The following STYXL2 variants were observed in gnomAD, a reference collection of about 807,000 sequenced individuals.
STYXL2 encodes the protein serine/threonine/tyrosine-interacting-like protein 2.
STYXL2 carries 44 observed loss-of-function variants against 52.4 expected under a neutral mutation model. That is an observed-to-expected ratio of 0.84 (90% CI 0.66 to 1.08). The LOEUF is 1.08. Among genes scored for constraint, STYXL2 ranks in the 50% least tolerant of loss-of-function variants. The probability of loss-of-function intolerance (pLI) is 0.00; values close to 1 mark genes in which losing one functional copy is unlikely to be tolerated. For synonymous variants in STYXL2, 604 were observed against 586.9 expected (o/e 1.03, Z -0.42); for missense variants, 1,604 against 1,471.7 (o/e 1.09, Z -1.47).
At chr1:167,118,966 A>G (rs766976906) in intron 4 of STYXL2, among the ~76,000 whole-genome samples, 2 of 152,378 alleles carry the variant, frequency 1.3e-5, no homozygotes, top group Non-Finnish European at 2.9e-5. Context: ...GTTTTAAACT[A>G]GAAGTCTCTG....
At position 167,127,390 on chromosome 1, in the gene STYXL2, C is replaced by G. The variant is rs1372658591; in HGVS notation, c.2259C>G (p.Ser753Arg). Residue 753 changes from serine (S) to arginine (R), a missense_variant, in exon 6 of 6, where the codon AGC (serine) becomes AGG (arginine). Coordinates refer to ENST00000361200, the MANE Select transcript of STYXL2 (RefSeq NM_001080426.3). ...LLLSRSPSVA[S>R]MKAVPAASCL... ...TGTCCCGCTCACCGTCTGTTGCAAG[C>G]ATGAAGGCAGTACCAGCGGCTAGCT... is the stretch of plus-strand genomic sequence containing the variant. The G allele has an allele frequency of 6.2e-7, 1 of 1,614,144 alleles. No homozygotes were observed. Among genetic ancestry groups the G allele is most frequent in the Non-Finnish European group, 8.5e-7 (1 of 1,180,034 alleles).
At chr1:167,117,020 C>T (rs1301801552) in intron 3 of STYXL2, among the ~76,000 whole-genome samples, 1 of 152,020 alleles carries the variant, frequency 6.6e-6, no homozygotes, top group Non-Finnish European at 1.5e-5. Flanking sequence ...CAAAGTACAC[C>T]TAATACTTAA....
At chr1:167,097,354 T>A (rs1214270934) in intron 2 of STYXL2, among the ~76,000 whole-genome samples, 1 of 152,248 alleles carries the variant, frequency 6.6e-6, no homozygotes, top group South Asian at 2.1e-4. Context: ...AGGTTTATGA[T>A]CTATGTAGAT....
chr1:167,096,337 C>A (rs1357574279), intron 2 of STYXL2, among the ~76,000 whole-genome samples: 1 of 152,280 alleles, frequency 6.6e-6, no homozygotes, highest in Non-Finnish European at 1.5e-5. Flanking sequence ...CATAGGTCCT[C>A]CTCTCTTGTA....
At position 167,117,408 on chromosome 1, in the gene STYXL2, C is replaced by G; in HGVS notation, c.286C>G (p.Leu96Val). ...TGCTGAACAGCTGCTGGTGGAGGAC[C>G]TGTACAACCGCGTCAGGGAGAAGAT... ...ESAEQLLVED[L>V]YNRVREKMDD... The change falls in exon 4 of 6, where the codon CTG (leucine) becomes GTG (valine). Residue 96 changes from leucine to valine, a missense_variant. By Grantham distance (32) the Leu-to-Val change is conservative (BLOSUM62 1). Transcript: ENST00000361200. 1 of 1,612,816 alleles carries G rather than the reference C, an allele frequency of 6.2e-7. No homozygotes were observed. Among genetic ancestry groups the G allele is most frequent in the Non-Finnish European group, 8.5e-7 (1 of 1,179,498 alleles).
intron 2 of STYXL2, among the ~76,000 whole-genome samples, chr1:167,105,504 G>T (rs919187099): frequency 6.6e-6 from 1 of 152,048 alleles, no homozygotes; most frequent in Admixed American, 6.5e-5. Flanking sequence ...TCCATCTCAG[G>T]TATGCCAGTT....
At position 167,096,422 on chromosome 1, in the gene STYXL2, T is replaced by C. The variant is rs544260932; in HGVS notation, c.110+1463T>C. On this transcript the variant is annotated intron_variant, in intron 2 of 5. Transcript: ENST00000361200. ...CAGTTTCGTGTATTGCTAAGAGTAATGCTAGCTATTATATCTAAAGGACAT... is the reference window on the plus strand; with the variant it reads ...CAGTTTCGTGTATTGCTAAGAGTAACGCTAGCTATTATATCTAAAGGACAT... Among the ~76,000 whole-genome samples, 4 of 152,122 alleles carry C rather than the reference T, an allele frequency of 2.6e-5. No homozygotes were observed. In the South Asian group the frequency reaches 8.3e-4, roughly 32 times the overall value.
At chr1:167,107,943 G>A (rs551772158) in intron 2 of STYXL2, among the ~76,000 whole-genome samples, 1 of 152,332 alleles carries the variant, frequency 6.6e-6, no homozygotes, top group East Asian at 1.9e-4. Flanking sequence ...TAACCATCAG[G>A]CTGCAGAAAT....
At position 167,127,004 on chromosome 1, in the gene STYXL2, C is replaced by T. The variant is rs188895908; in HGVS notation, c.1873C>T (p.Arg625Trp). 1.0e-4 allele frequency: 164 copies of T among 1,606,692 alleles called. No homozygotes were observed. The East Asian group carries it at 3.0e-3, about 30-fold the overall frequency. ...EDSALAKKRQ[R>W]RLELLERSRQ... The stretch of plus-strand genomic sequence containing the variant: ...CTCGGCCTTGGCTAAGAAGAGACAA[C>T]GGAGGCTGGAGCTGCTGGAGAGAAG... Residue 625 changes from arginine to tryptophan, a missense_variant, in exon 6 of 6, where the codon CGG becomes TGG. Arg to Trp is a moderately radical substitution (Grantham distance 101). Coordinates refer to ENST00000361200, the MANE Select transcript of STYXL2 (RefSeq NM_001080426.3).
At position 167,127,263 on chromosome 1, in the gene STYXL2, C is replaced by G. The variant is rs771548929; in HGVS notation, c.2132C>G (p.Pro711Arg). Reference sequence around the variant, plus strand: ...CCCACCACACCCCTGCCTAACCTGCCAGTGGGGCCTGGAGACACCATTTCC... The same window carrying G: ...CCCACCACACCCCTGCCTAACCTGCGAGTGGGGCCTGGAGACACCATTTCC... ...SNPTTPLPNL[P>R]VGPGDTISIA... The change falls in exon 6 of 6, where the codon CCA becomes CGA. Residue 711 changes from proline (P) to arginine (R), a missense_variant. Physicochemically the swap from Pro to Arg is moderately radical, Grantham distance 103 (BLOSUM62 -2). Coordinates refer to ENST00000361200, the MANE Select transcript of STYXL2 (RefSeq NM_001080426.3). 1 of 1,614,210 alleles carries G rather than the reference C, an allele frequency of 6.2e-7. No individual in the cohort carries two copies. Among genetic ancestry groups the G allele is most frequent in the Non-Finnish European group, 8.5e-7 (1 of 1,180,030 alleles).
At chr1:167,115,465 G>A (rs557735338) in intron 3 of STYXL2, among the ~76,000 whole-genome samples, 1 of 152,306 alleles carries the variant, frequency 6.6e-6, no homozygotes, top group African/African-American at 2.4e-5. Context: ...GAGACCTAGT[G>A]AAAGCAGGAG....
At chr1:167,095,480 A>G (rs918242294) in intron 2 of STYXL2, among the ~76,000 whole-genome samples, 5 of 152,224 alleles carry the variant, frequency 3.3e-5, no homozygotes, top group African/African-American at 1.2e-4. Flanking sequence ...AAGTGGCAAG[A>G]TGCCAAGAGG....
In STYXL2 at chr1:167,119,374, G is replaced by T. The variant is rs1274415663; in HGVS notation, c.563G>T (p.Gly188Val). 6.2e-7 allele frequency: 1 copy of T among 1,614,248 alleles called. No individual in the cohort carries two copies. Among genetic ancestry groups the T allele is most frequent in the African/African-American group, 1.3e-5 (1 of 75,060 alleles). The change falls in exon 5 of 6, where the codon GGT becomes GTT. Residue 188 changes from glycine to valine, a missense_variant. Physicochemically the swap from Gly to Val is moderately radical, Grantham distance 109. Transcript: ENST00000361200. ...FYTGLEIQYL[G>V]VEVDDFPEVD... ...ACTGGCCTGGAGATCCAGTACCTGGGTGTAGAGGTGGATGACTTTCCTGAG... is the reference window on the plus strand; with the variant it reads ...ACTGGCCTGGAGATCCAGTACCTGGTTGTAGAGGTGGATGACTTTCCTGAG...
rs199862394 is a variant in STYXL2 at position 167,126,798 on chromosome 1, T to C, written c.1667T>C (p.Phe556Ser). 4.7e-5 allele frequency: 76 copies of C among 1,614,180 alleles called. No homozygotes were observed. In the East Asian group the frequency reaches 1.6e-3, roughly 34 times the overall value. ...AAGATCAAGAGAATCCAATTTGGAT[T>C]TCACAAGAAAGACTTGGGAGCGGGA... The part of the protein sequence containing the change: ...RWKIKRIQFG[F>S]HKKDLGAGDS... The change falls in exon 6 of 6, where the codon TTT (phenylalanine) becomes TCT (serine). Residue 556 changes from phenylalanine to serine, a missense_variant. Transcript: ENST00000361200.
chr1:167,114,057 C>T (rs1229167839), intron 3 of STYXL2, among the ~76,000 whole-genome samples: 3 of 152,132 alleles, frequency 2.0e-5, no homozygotes, highest in African/African-American at 7.2e-5. Flanking sequence ...GCCTCCTGCT[C>T]AATTTTTGGT....
At chr1:167,101,387 A>G (rs964225049) in intron 2 of STYXL2, among the ~76,000 whole-genome samples, 6 of 152,228 alleles carry the variant, frequency 3.9e-5, no homozygotes. Flanking sequence ...GTGGGAATGT[A>G]AAATAGTCCA....
chr1:167,111,469 CATATAT>C lies in STYXL2; in HGVS notation c.111-2201_111-2196del, dbSNP rs776014246. Among the ~76,000 whole-genome samples, 741 of 79,794 alleles carry C rather than the reference CATATAT, an allele frequency of 9.3e-3. 3 individuals are homozygous for C. Among genetic ancestry groups the C allele is most frequent in the Admixed American group, 0.016 (99 of 6,220 alleles). 52.3% of individuals were successfully genotyped at this position (79,794 alleles called of 152,430 possible). A position where few individuals can be genotyped will look rare whatever the true frequency, so the allele number is the denominator to read the frequency against. On this transcript the variant is annotated intron_variant, in intron 2 of 5. Coordinates refer to ENST00000361200, the MANE Select transcript of STYXL2 (RefSeq NM_001080426.3). ...ACAAGTGGATAAGGAAAATATGGTA[CATATAT>C]ATATATATATATATATATATATATA... is the stretch of plus-strand genomic sequence containing the variant.
intron 2 of STYXL2, among the ~76,000 whole-genome samples, chr1:167,103,797 T>G (rs1667450334): frequency 6.6e-6 from 1 of 152,138 alleles, no homozygotes; most frequent in African/African-American, 2.4e-5. Flanking sequence ...CCGTCAGGCC[T>G]TCCCAGTCAC....
chr1:167,115,522 A>G (rs1032757162), intron 3 of STYXL2, among the ~76,000 whole-genome samples: 7 of 152,202 alleles, frequency 4.6e-5, no homozygotes, highest in Non-Finnish European at 8.8e-5. Flanking sequence ...TAAATTGAAA[A>G]GAAAAGAAAT....
Sources: gnomAD v4.1 joint callset for allele counts (sites outside exome capture counted in the v4.1 genomes callset) on GRCh38, gnomAD v4.1.1 for gene constraint, MANE v1.5 for transcripts, NCBI Gene and HGNC (gene_info 2026-07-23, HGNC 2026-07-21) for gene names.